The following ATP9A variants were observed in gnomAD, a reference collection of about 807,000 sequenced individuals.
ATP9A encodes ATPase phospholipid transporting 9A, also known as probable phospholipid-transporting ATPase IIA.
A neutral mutation model predicts 144.1 loss-of-function variants in ATP9A; 52 were observed. That is an observed-to-expected ratio of 0.36 (90% CI 0.29 to 0.45). ATP9A has a LOEUF of 0.45. ATP9A is among the 20% of genes least tolerant of loss of function. The probability of loss-of-function intolerance (pLI) is 1.00; values close to 1 mark genes in which losing one functional copy is unlikely to be tolerated. For synonymous variants in ATP9A, 582 were observed against 557.4 expected (o/e 1.04, Z -0.62); for missense variants, 947 against 1,392.7 (o/e 0.68, Z 5.09).
At chr20:51,623,624 T>C (rs1442066716) in intron 18 of ATP9A, among the ~76,000 whole-genome samples, 4 of 151,582 alleles carry the variant, frequency 2.6e-5, no homozygotes, top group African/African-American at 7.3e-5. Context: ...CTACTAAATA[T>C]CTAAATATAC....
intron 22 of ATP9A, 122 bp downstream of exon 22, chr20:51,617,368 T>C: frequency 9.7e-7 from 1 of 1,028,562 alleles, no homozygotes; most frequent in African/African-American, 1.7e-5. Context: ...CTGTGACACA[T>C]GATTCCTTAT....
chr20:51,662,594 A>ATTTT (rs147164215), intron 13 of ATP9A, among the ~76,000 whole-genome samples: 2 of 146,774 alleles, frequency 1.4e-5, no homozygotes, highest in Admixed American at 6.8e-5. Context: ...TGCTTTATTT[A>ATTTT]TTTTTTTTTT....
At position 51,701,013 on chromosome 20, in the gene ATP9A, G is replaced by A. The variant is rs1568826940; in HGVS notation, c.437-3531C>T. 3.3e-5 allele frequency among the ~76,000 whole-genome samples: 5 copies of A among 152,208 alleles called. No homozygotes were observed. The South Asian group carries it at 6.3e-4, about 19-fold the overall frequency. ...GGAAGGTATTACTTGAAGGAAGACC[G>A]TAAATTCAACGTGGCCCTCAGCGCC... is the stretch of plus-strand genomic sequence containing the variant. On this transcript the variant is annotated intron_variant, in intron 4 of 27. Coordinates refer to ENST00000338821, the MANE Select transcript of ATP9A (RefSeq NM_006045.3).
In ATP9A at chr20:51,657,140, T is replaced by G. The variant is rs1026108554; in HGVS notation, c.1304A>C (p.Asp435Ala). The G allele has an allele frequency of 2.5e-6, 4 of 1,613,290 alleles. No homozygotes were observed. Among genetic ancestry groups the G allele is most frequent in the Non-Finnish European group, 3.4e-6 (4 of 1,179,536 alleles). ...IFSIYTQQSQDPPAQKGPTLT... is the reference protein window; with the variant it reads ...IFSIYTQQSQAPPAQKGPTLT... ...CGTTGGGCCCTTCTGAGCCGGTGGG[T>G]CCTGGGATTGCTACAGGAAGGAGAA... Residue 435 changes from aspartate (D) to alanine (A), a missense_variant, in exon 14 of 28, where the codon GAC becomes GCC. By Grantham distance (126) the Asp-to-Ala change is moderately radical. Transcript: ENST00000338821.
intron 1 of ATP9A, among the ~76,000 whole-genome samples, chr20:51,767,163 G>A (rs947286726): frequency 1.1e-4 from 16 of 151,102 alleles, no homozygotes; most frequent in African/African-American, 3.9e-4. Flanking sequence ...CCGAGCAACT[G>A]ACGCTGCAAT....
At chr20:51,742,755 T>C (rs1404333159) in intron 1 of ATP9A, among the ~76,000 whole-genome samples, 1 of 152,156 alleles carries the variant, frequency 6.6e-6, no homozygotes, top group Non-Finnish European at 1.5e-5. Context: ...CCTAAAGTGA[T>C]CCAGCCGCCT....
rs979717565 is a variant in ATP9A at position 51,622,289 on chromosome 20, T to A, written c.2017-117A>T. On this transcript the variant is annotated intron_variant, in intron 18 of 27. Transcript: ENST00000338821. ...AACTTGGTATGTTCCGTTTACCTCC[T>A]GCCGACTCATGCTGTCCCCAACACA... is the stretch of plus-strand genomic sequence containing the variant. 7 of 770,180 alleles carry A rather than the reference T, an allele frequency of 9.1e-6. No individual in the cohort carries two copies. In the African/African-American group the frequency reaches 1.2e-4, roughly 13 times the overall value. The allele number at this position is 770,180 out of a possible 1,614,324, so 47.7% of individuals were successfully genotyped here. A position where few individuals can be genotyped will look rare whatever the true frequency, so the allele number is the denominator to read the frequency against.
intron 21 of ATP9A, 109 bp downstream of exon 21, chr20:51,618,553 G>C (rs372520131): frequency 2.1e-6 from 3 of 1,436,874 alleles, no homozygotes; most frequent in African/African-American, 1.4e-5. Flanking sequence ...CTGAACAAAG[G>C]GGCCTGGGGA....
chr20:51,752,290 T>C (rs1031411018), intron 1 of ATP9A, among the ~76,000 whole-genome samples: 1 of 152,038 alleles, frequency 6.6e-6, no homozygotes, highest in Non-Finnish European at 1.5e-5. Flanking sequence ...ATTAAGACAA[T>C]CCACTTAAAA....
At chr20:51,718,959 C>T (rs953994363) in intron 3 of ATP9A, among the ~76,000 whole-genome samples, 2 of 151,532 alleles carry the variant, frequency 1.3e-5, no homozygotes, top group African/African-American at 4.9e-5. Context: ...GAAACCCCAT[C>T]TCTACTAAAA....
At chr20:51,624,177 C>A (rs529124744) in intron 18 of ATP9A, among the ~76,000 whole-genome samples, 1 of 152,214 alleles carries the variant, frequency 6.6e-6, no homozygotes, top group African/African-American at 2.4e-5. Flanking sequence ...CAAATGCAAG[C>A]GACAGAATTG....
At chr20:51,756,064 G>A (rs545995346) in intron 1 of ATP9A, among the ~76,000 whole-genome samples, 3 of 152,034 alleles carry the variant, frequency 2.0e-5, no homozygotes, top group South Asian at 2.1e-4. Context: ...TAAATGAGAC[G>A]CTTTCTACGT....
intron 2 of ATP9A, among the ~76,000 whole-genome samples, chr20:51,726,770 G>C (rs1156277471): frequency 6.6e-6 from 1 of 151,802 alleles, no homozygotes; most frequent in Non-Finnish European, 1.5e-5. Context: ...GTAGAGACAG[G>C]GTCTCCCTAT....
At chr20:51,659,515 A>G (rs1002564391) in intron 13 of ATP9A, among the ~76,000 whole-genome samples, 3 of 152,226 alleles carry the variant, frequency 2.0e-5, no homozygotes, top group African/African-American at 7.2e-5. Flanking sequence ...TCAGTTTCAG[A>G]TTTTAAATCA....
rs1445915718 is a variant in ATP9A at position 51,712,879 on chromosome 20, C to T, written c.436+87G>A. On this transcript the variant is annotated intron_variant, in intron 4 of 27. Transcript: ENST00000338821. ...CCGCCACGTGGCATTCCCACACCTG[C>T]GGCCCGGGCCTTGAACTCTTCTCCC... The T allele has an allele frequency of 6.6e-6, 8 of 1,216,742 alleles. No individual in the cohort carries two copies. In the Admixed American group the frequency reaches 9.9e-5, roughly 15 times the overall value. The allele number at this position is 1,216,742 out of a possible 1,614,324, so 75.4% of individuals were successfully genotyped here.
intron 9 of ATP9A, among the ~76,000 whole-genome samples, chr20:51,679,280 C>A (rs1304087168): frequency 6.6e-6 from 1 of 152,056 alleles, no homozygotes; most frequent in Non-Finnish European, 1.5e-5. Flanking sequence ...GCCGAGATCA[C>A]GCCACTGTAC....
In ATP9A at chr20:51,746,828, G is replaced by A. The variant is rs188470398; in HGVS notation, c.69-16850C>T. On this transcript the variant is annotated intron_variant, in intron 1 of 27. Coordinates refer to ENST00000338821, the MANE Select transcript of ATP9A (RefSeq NM_006045.3). ...CACTCCAGCCTGGGCAACAGAGCGA[G>A]ACTCCATCTCAAAAAACAAAAACAA... is the stretch of plus-strand genomic sequence containing the variant. Among the ~76,000 whole-genome samples the A allele has an allele frequency of 9.2e-3, 1,398 of 152,242 alleles. 19 individuals are homozygous for A. The highest frequency in any genetic ancestry group is 0.032 in the African/African-American group (1,315 of 41,546).
At chr20:51,615,158 C>G (rs977337445) in intron 22 of ATP9A, among the ~76,000 whole-genome samples, 1 of 151,926 alleles carries the variant, frequency 6.6e-6, no homozygotes, top group African/African-American at 2.4e-5. Flanking sequence ...TGTCCTTGTT[C>G]TAAAGAGATC....
chr20:51,729,469 G>A (rs1308611280), intron 2 of ATP9A, among the ~76,000 whole-genome samples: 1 of 152,176 alleles, frequency 6.6e-6, no homozygotes, highest in East Asian at 1.9e-4. Context: ...GTACCGGCGG[G>A]CAAGGTGGCT....
Sources: gnomAD v4.1 joint callset for allele counts (sites outside exome capture counted in the v4.1 genomes callset) on GRCh38, gnomAD v4.1.1 for gene constraint, MANE v1.5 for transcripts, NCBI Gene and HGNC (gene_info 2026-07-23, HGNC 2026-07-21) for gene names.